The following LARGE1 variants were observed in gnomAD, a reference collection of about 807,000 sequenced individuals.
LARGE1 encodes the protein LARGE xylosyl- and glucuronyltransferase 1, also known as xylosyl- and glucuronyltransferase LARGE1.
A neutral mutation model predicts 87.6 loss-of-function variants in LARGE1; 43 were observed. That is an observed-to-expected ratio of 0.49 (90% confidence interval 0.38 to 0.63). The LOEUF is 0.63. LARGE1 is among the 30% of genes least tolerant of loss of function. LARGE1 has a pLI of 0.00. For synonymous variants in LARGE1, 434 were observed against 394.6 expected, an observed-to-expected ratio of 1.10 and a Z score of -1.18; for missense variants, 802 against 1,000.2, an observed-to-expected ratio of 0.80 and a Z score of 2.67.
At chr22:33,345,884 G>A (rs1939688421) in intron 9 of LARGE1, among the ~76,000 whole-genome samples, 1 of 152,180 alleles carries the variant, frequency 6.6e-6, no homozygotes, top group Non-Finnish European at 1.5e-5. Flanking sequence ...AGTAATTAAT[G>A]GTGCAAAACA....
At chr22:33,723,264 A>T (rs951611836) in intron 2 of LARGE1, among the ~76,000 whole-genome samples, 4 of 152,186 alleles carry the variant, frequency 2.6e-5, no homozygotes, top group Non-Finnish European at 1.5e-5. Context: ...TGCAGTAGTG[A>T]ATTTCCAGGT....
intron 11 of LARGE1, among the ~76,000 whole-genome samples, chr22:33,201,471 C>G (rs955713950): frequency 6.6e-6 from 1 of 151,916 alleles, no homozygotes; most frequent in African/African-American, 2.4e-5. Context: ...AAACATAGAA[C>G]AGGTAAGGGG....
chr22:33,190,794 T>C (rs1423427087), intron 11 of LARGE1, among the ~76,000 whole-genome samples: 1 of 152,200 alleles, frequency 6.6e-6, no homozygotes, highest in East Asian at 1.9e-4. Context: ...GTAGAAATAG[T>C]TGACTTTGAA....
At chr22:33,179,027 C>T (rs1254212471) in intron 11 of LARGE1, among the ~76,000 whole-genome samples, 2 of 152,172 alleles carry the variant, frequency 1.3e-5, no homozygotes, top group Non-Finnish European at 2.9e-5. Context: ...GGCAAGAGGG[C>T]AAGAGCATGT....
intron 1 of LARGE1, among the ~76,000 whole-genome samples, chr22:33,908,610 G>A (rs530678246): frequency 1.1e-4 from 16 of 152,276 alleles, no homozygotes; most frequent in East Asian, 3.9e-4. Context: ...AGCTTTGTGC[G>A]TCCCAATATG....
intron 2 of LARGE1, among the ~76,000 whole-genome samples, chr22:33,699,377 T>C (rs898529375): frequency 1.6e-4 from 25 of 151,968 alleles, no homozygotes; most frequent in Non-Finnish European, 2.9e-4. Context: ...AACCAAATGG[T>C]TGTGGGAAGA....
rs561265609 is a variant in LARGE1 at position 33,274,227 on chromosome 22, T to C, written c.*200A>G. The C allele has an allele frequency of 1.9e-4, 124 of 639,624 alleles. 1 individual carries two copies. In the South Asian group the frequency reaches 2.1e-3, roughly 11 times the overall value. The allele number at this position is 639,624 out of a possible 1,614,324, so 39.6% of individuals were successfully genotyped here. On this transcript the variant is annotated 3_prime_UTR_variant, in exon 15 of 15. Coordinates refer to ENST00000397394, the MANE Select transcript of LARGE1 (RefSeq NM_133642.5). ...GGGCTGCATAGCTAACCTCTGGGAA[T>C]GCAGGGTTGTGGGGCAGAGAGGGAC...
intron 11 of LARGE1, 67 bp downstream of exon 11, chr22:33,316,018 C>G (rs1936111245): frequency 1.9e-6 from 3 of 1,553,762 alleles, no homozygotes; most frequent in South Asian, 2.3e-5. Flanking sequence ...ACACCCTTCT[C>G]CATTCTCTAT....
the LARGE1 span, among the ~76,000 whole-genome samples, chr22:33,153,783 ACT>A: frequency 4.6e-5 from 7 of 152,204 alleles, no homozygotes; most frequent in African/African-American, 1.7e-4. Flanking sequence ...TGAATTAGGA[ACT>A]TCAGGTGAAT....
Position 33,241,905 on chromosome 22 carries a change from T to C in LARGE1, c.1730+62324A>G, listed in dbSNP as rs566389499. Among the ~76,000 whole-genome samples the C allele has an allele frequency of 8.5e-5, 13 of 152,180 alleles. No individual in the cohort carries two copies. The South Asian group carries it at 2.7e-3, about 32-fold the overall frequency. On this transcript the variant is annotated intron_variant, in intron 11 of 11. Transcript: ENST00000608642. ...TCCATCAAAGGGTAGAAAGTTTCAT[T>C]TAGACAAGAGGAATCAGCTTTAGTG...
intron 9 of LARGE1, among the ~76,000 whole-genome samples, chr22:33,346,227 CCTTT>C (rs1939726370): frequency 6.6e-6 from 1 of 151,138 alleles, no homozygotes; most frequent in South Asian, 2.1e-4. Flanking sequence ...CTTTTCTCTT[CCTTT>C]CTTCCTTCCT....
intron 5 of LARGE1, among the ~76,000 whole-genome samples, chr22:33,569,453 CAATT>C (rs1307274634): frequency 6.6e-6 from 1 of 152,174 alleles, no homozygotes; most frequent in Non-Finnish European, 1.5e-5. Flanking sequence ...AATACATAAT[CAATT>C]AAGTCCAAGT....
intron 1 of LARGE1, among the ~76,000 whole-genome samples, chr22:33,879,764 T>C (rs772651279): frequency 5.5e-4 from 83 of 152,246 alleles, no homozygotes; most frequent in Non-Finnish European, 8.7e-4. Flanking sequence ...GTGTTGCTTA[T>C]ATGTCTGTTA....
rs981613135 is a variant in LARGE1 at position 33,659,199 on chromosome 22, A to G, written c.107-8531T>C. On this transcript the variant is annotated intron_variant, in intron 2 of 14. Transcript: ENST00000397394. The stretch of plus-strand genomic sequence containing the variant: ...ATCACAGGTCACCTTATTCCAATAT[A>G]TGTTTCAATTTTTCATTCTCCATAT... Among the ~76,000 whole-genome samples the G allele has an allele frequency of 9.9e-5, 15 of 152,194 alleles. 1 individual carries two copies. Among genetic ancestry groups the G allele is most frequent in the Non-Finnish European group, 2.1e-4 (14 of 68,038 alleles).
At position 33,728,297 on chromosome 22, in the gene LARGE1, G is replaced by C. The variant is rs58516044; in HGVS notation, c.106+33074C>G. On this transcript the variant is annotated intron_variant, in intron 2 of 14. Coordinates refer to ENST00000397394, the MANE Select transcript of LARGE1 (RefSeq NM_133642.5). Reference sequence around the variant, plus strand: ...CTCACTCCTGTAATCCCAACACTTTGAGAGGCCAAGGCAGGCAGATCACTT... The same window carrying C: ...CTCACTCCTGTAATCCCAACACTTTCAGAGGCCAAGGCAGGCAGATCACTT... Among the ~76,000 whole-genome samples, 922 of 152,170 alleles carry C rather than the reference G, an allele frequency of 6.1e-3. 53 individuals carry two copies. The East Asian group carries it at 0.13, about 21-fold the overall frequency.
chr22:33,343,260 A>G (rs1016966477), intron 9 of LARGE1, among the ~76,000 whole-genome samples: 4 of 152,028 alleles, frequency 2.6e-5, no homozygotes, highest in African/African-American at 7.2e-5. Context: ...CTGGGACTAC[A>G]GGCACACACC....
the LARGE1 span, among the ~76,000 whole-genome samples, chr22:33,070,826 G>A: frequency 2.6e-5 from 4 of 152,238 alleles, no homozygotes; most frequent in South Asian, 2.1e-4. Context: ...GAAATGTGCC[G>A]GAAGGGTGAA....
intron 1 of LARGE1, among the ~76,000 whole-genome samples, chr22:33,887,223 G>A (rs1257841014): frequency 6.6e-6 from 1 of 152,156 alleles, no homozygotes; most frequent in Admixed American, 6.5e-5. Context: ...TAGAAGGTGG[G>A]GCCTTTGGGA....
chr22:33,328,348 G>A (rs1470544634), intron 10 of LARGE1, among the ~76,000 whole-genome samples: 11 of 152,078 alleles, frequency 7.2e-5, no homozygotes, highest in African/African-American at 2.4e-4. Context: ...TTGGGAGGCT[G>A]AGGTGGGTGG....
Sources: allele counts gnomAD v4.1 joint callset (sites outside exome capture counted in the v4.1 genomes callset), GRCh38; gene constraint gnomAD v4.1.1; transcripts MANE v1.5; gene names NCBI Gene and HGNC (gene_info 2026-07-23, HGNC 2026-07-21).